FBXO16: variants seen among roughly 807,000 people sequenced by gnomAD.
FBXO16 encodes F-box only protein 16.
FBXO16 carries 31 observed loss-of-function variants against 41.0 expected under a neutral mutation model. The ratio of observed to expected loss-of-function variants is 0.76; its 90% CI spans 0.57 to 1.02. FBXO16 has a LOEUF of 1.02. Among genes scored for constraint, FBXO16 ranks in the 50% least tolerant of loss-of-function variants. FBXO16 has a pLI of 0.00. For synonymous variants in FBXO16, 133 were observed against 117.8 expected (o/e 1.13, Z -0.84); for missense variants, 361 against 346.2 (o/e 1.04, Z -0.34).
At chr8:28,469,107 G>A (rs975017016) in intron 3 of FBXO16, among the ~76,000 whole-genome samples, 2 of 151,858 alleles carry the variant, frequency 1.3e-5, no homozygotes, top group Admixed American at 6.6e-5. Flanking sequence ...TCAGGAGTTC[G>A]AGACCAGCCT....
chr8:28,461,545 G>T (rs1466561440), intron 4 of FBXO16, among the ~76,000 whole-genome samples: 1 of 145,296 alleles, frequency 6.9e-6, no homozygotes, highest in Non-Finnish European at 1.5e-5. Flanking sequence ...TTTTTCTGCT[G>T]GGTTGTTGGT....
At chr8:28,446,179 T>TTC (rs1472816318) in intron 7 of FBXO16, among the ~76,000 whole-genome samples, 24 of 119,514 alleles carry the variant, frequency 2.0e-4, no homozygotes, top group Admixed American at 1.9e-3. Flanking sequence ...ATTTTTCCTT[T>TTC]TTTTTTTTTT....
At chr8:28,439,904 T>G (rs982240536) in intron 7 of FBXO16, among the ~76,000 whole-genome samples, 5 of 151,980 alleles carry the variant, frequency 3.3e-5, no homozygotes, top group Non-Finnish European at 5.9e-5. Flanking sequence ...CTTCCTAAAG[T>G]TCAAAGAAAA....
At chr8:28,476,866 G>T (rs964841230) in intron 2 of FBXO16, among the ~76,000 whole-genome samples, 32 of 152,116 alleles carry the variant, frequency 2.1e-4, no homozygotes, top group African/African-American at 6.3e-4. Context: ...TTAAAAAACT[G>T]TGTATATTTA....
intron 3 of FBXO16, among the ~76,000 whole-genome samples, chr8:28,470,252 A>G (rs1353987126): frequency 6.6e-6 from 1 of 152,208 alleles, no homozygotes; most frequent in Non-Finnish European, 1.5e-5. Context: ...GTAGCCACAC[A>G]TGTCCTGATA....
chr8:28,470,623 T>C (rs1238808375), intron 3 of FBXO16, among the ~76,000 whole-genome samples: 1 of 152,246 alleles, frequency 6.6e-6, no homozygotes, highest in Non-Finnish European at 1.5e-5. Flanking sequence ...ATCTAGCTCT[T>C]CAATTTTTGC....
rs769525549 is a variant in FBXO16, at chr8:28,463,618, A to C, written c.336T>G (p.Cys112Trp). The C allele has an allele frequency of 1.9e-6, 3 of 1,613,930 alleles. No individual in the cohort carries two copies. Among genetic ancestry groups the C allele is most frequent in the Middle Eastern group, 1.7e-4 (1 of 5,954 alleles). Residue 112 changes from cysteine (C) to tryptophan (W), a missense_variant, in exon 4 of 9, where the codon TGT becomes TGG. Cys to Trp is a radical substitution (Grantham distance 215). Transcript: ENST00000380254. The part of the protein sequence containing the change: ...SFLDPRSLCR[C>W]AQVCWHWKNL... ...ACCCCTTCCTTGCCTTTACCTGTGC[A>C]CAACGACAAAGGCTCCGAGGGTCCA...
At chr8:28,472,509 GC>G (rs1477317303) in intron 3 of FBXO16, among the ~76,000 whole-genome samples, 1 of 152,050 alleles carries the variant, frequency 6.6e-6, no homozygotes, top group African/African-American at 2.4e-5. Context: ...TCAAGGGGGG[GC>G]GGGGTGGATC....
At chr8:28,429,006 A>G (rs1391355084) in intron 8 of FBXO16, among the ~76,000 whole-genome samples, 7 of 152,166 alleles carry the variant, frequency 4.6e-5, no homozygotes, top group Non-Finnish European at 1.5e-5. Context: ...GATAGTATTA[A>G]TAAGTTTCAT....
At chr8:28,434,992 G>A (rs1257540966) in intron 7 of FBXO16, among the ~76,000 whole-genome samples, 1 of 152,228 alleles carries the variant, frequency 6.6e-6, no homozygotes, top group Non-Finnish European at 1.5e-5. Flanking sequence ...ATGGACGGCA[G>A]CATGTTAGCA....
intron 6 of FBXO16, among the ~76,000 whole-genome samples, chr8:28,450,649 C>T (rs902977475): frequency 5.3e-5 from 8 of 152,196 alleles, no homozygotes; most frequent in African/African-American, 1.9e-4. Context: ...ATTCCCAGGA[C>T]TCTGATCTCA....
Position 28,463,225 on chromosome 8 carries a change from C to T in FBXO16, c.342+387G>A, listed in dbSNP as rs571794435. Among the ~76,000 whole-genome samples, 10 of 135,418 alleles carry T rather than the reference C, an allele frequency of 7.4e-5. 1 individual carries two copies. In the East Asian group the frequency reaches 1.7e-3, roughly 23 times the overall value. The allele number at this position is 135,418 out of a possible 152,430, so 88.8% of individuals were successfully genotyped here. On this transcript the variant is annotated intron_variant, in intron 4 of 8. Coordinates refer to ENST00000380254, the MANE Select transcript of FBXO16 (RefSeq NM_172366.4). ...ATGTGTTTGTGTGTTTATGTGTGTC[C>T]GTGTGTGTGTTTGTGTACACGTTTG...
intron 5 of FBXO16, among the ~76,000 whole-genome samples, chr8:28,453,745 G>T (rs116776671): frequency 1.3e-5 from 2 of 151,952 alleles, no homozygotes; most frequent in South Asian, 4.1e-4. Flanking sequence ...ACAGGATAAC[G>T]CTTAGTACTC....
chr8:28,459,551 C>T (rs994197762), intron 4 of FBXO16, among the ~76,000 whole-genome samples: 6 of 150,494 alleles, frequency 4.0e-5, no homozygotes, highest in Middle Eastern at 3.2e-3. Context: ...CCGGGGTGGG[C>T]GGAGGTTGCA....
rs375714545 is a variant in FBXO16 at position 28,428,588 on chromosome 8, A to G, written c.*139T>C. ...AGTCCACTTTGGCTCTGGAACCTGG[A>G]TGAGTCATGCTTGGGGCCCAGGGTG... On this transcript the variant is annotated 3_prime_UTR_variant, in exon 9 of 9. Transcript: ENST00000380254. The G allele has an allele frequency of 3.4e-5, 52 of 1,551,052 alleles. No homozygotes were observed. In the South Asian group the frequency reaches 3.7e-4, roughly 11 times the overall value.
At chr8:28,461,680 T>C (rs1803137319) in intron 4 of FBXO16, among the ~76,000 whole-genome samples, 2 of 152,274 alleles carry the variant, frequency 1.3e-5, no homozygotes, top group South Asian at 4.1e-4. Context: ...TTCTGTTCCA[T>C]GAAGAATATT....
chr8:28,430,419 T>C (rs1802589192), intron 7 of FBXO16, among the ~76,000 whole-genome samples: 2 of 152,262 alleles, frequency 1.3e-5, no homozygotes, highest in African/African-American at 4.8e-5. Context: ...TGTCTGCCTA[T>C]AGTAGGTGCA....
Position 28,443,258 on chromosome 8 carries a change from C to T in FBXO16, c.843+3913G>A, listed in dbSNP as rs182521351. Reference sequence around the variant, plus strand: ...CAGGCTAGTCTCAAACTCCTGGCCTCAATTATTCTCTCATCTCAGCCTCCC... The same window carrying T: ...CAGGCTAGTCTCAAACTCCTGGCCTTAATTATTCTCTCATCTCAGCCTCCC... On this transcript the variant is annotated intron_variant, in intron 7 of 8. Coordinates refer to ENST00000380254, the MANE Select transcript of FBXO16 (RefSeq NM_172366.4). 9.9e-5 allele frequency among the ~76,000 whole-genome samples: 15 copies of T among 152,074 alleles called. No homozygotes were observed. In the East Asian group the frequency reaches 2.5e-3, roughly 26 times the overall value.
chr8:28,449,024 G>A (rs979646879), intron 6 of FBXO16: 1 of 152,176 alleles, frequency 6.6e-6, no homozygotes, highest in African/African-American at 2.4e-5. Flanking sequence ...CAGACAACCA[G>A]AAATGATGTG....
Sources: gnomAD v4.1 joint callset for allele counts (sites outside exome capture counted in the v4.1 genomes callset) on GRCh38, gnomAD v4.1.1 for gene constraint, MANE v1.5 for transcripts, NCBI Gene and HGNC (gene_info 2026-07-23, HGNC 2026-07-21) for gene names.